KCNIP4: variants seen among roughly 807,000 people sequenced by gnomAD.
The protein encoded by KCNIP4 is Kv channel-interacting protein 4.
KCNIP4 carries 12 observed loss-of-function variants against 34.0 expected under a neutral mutation model. The observed-to-expected ratio is 0.35, with a 90% CI of 0.23 to 0.57. KCNIP4 has a LOEUF of 0.57. Ranked by LOEUF, KCNIP4 falls within the 20% of genes least tolerant of loss-of-function variation. The probability of loss-of-function intolerance (pLI) is 0.83; values close to 1 mark genes in which losing one functional copy is unlikely to be tolerated. For synonymous variants in KCNIP4, 124 were observed against 102.2 expected (o/e 1.21, Z -1.29); for missense variants, 238 against 311.7 (o/e 0.76, Z 1.78).
chr4:21,144,039 T>C (rs1752174835), intron 1 of KCNIP4, among the ~76,000 whole-genome samples: 1 of 152,186 alleles, frequency 6.6e-6, no homozygotes. Context: ...TCTCTGTGCC[T>C]TTAACTCCCC....
chr4:21,166,112 T>G (rs1316784828), intron 1 of KCNIP4, among the ~76,000 whole-genome samples: 2 of 152,134 alleles, frequency 1.3e-5, no homozygotes, highest in African/African-American at 4.8e-5. Context: ...TATTTATAAA[T>G]TACCCAGTCT....
intron 1 of KCNIP4, among the ~76,000 whole-genome samples, chr4:21,766,016 A>T (rs906336735): frequency 5.9e-5 from 9 of 152,050 alleles, no homozygotes; most frequent in Admixed American, 2.0e-4. Flanking sequence ...GCAGCAGTGG[A>T]CCAGGATTGT....
At chr4:21,415,430 A>G (rs1386290780) in intron 1 of KCNIP4, among the ~76,000 whole-genome samples, 1 of 152,096 alleles carries the variant, frequency 6.6e-6, no homozygotes, top group Non-Finnish European at 1.5e-5. Context: ...TTGCATATTT[A>G]AAAAGGTAAG....
intron 1 of KCNIP4, among the ~76,000 whole-genome samples, chr4:21,739,552 A>G (rs985292961): frequency 3.3e-5 from 5 of 151,998 alleles, no homozygotes; most frequent in Admixed American, 1.3e-4. Flanking sequence ...TATATTGAAA[A>G]TTTTCTTACT....
intron 1 of KCNIP4, among the ~76,000 whole-genome samples, chr4:21,349,158 G>A (rs1717756450): frequency 6.6e-6 from 1 of 152,070 alleles, no homozygotes; most frequent in African/African-American, 2.4e-5. Context: ...ATTTCCTCAA[G>A]TCCAAAATAG....
At chr4:21,594,011 G>A (rs973544091) in intron 1 of KCNIP4, among the ~76,000 whole-genome samples, 8 of 151,972 alleles carry the variant, frequency 5.3e-5, no homozygotes, top group Admixed American at 2.0e-4. Context: ...TATACCTTGG[G>A]GCCTGCATGT....
intron 2 of KCNIP4, among the ~76,000 whole-genome samples, chr4:20,852,593 C>T (rs1176503185): frequency 6.6e-6 from 1 of 152,092 alleles, no homozygotes; most frequent in African/African-American, 2.4e-5. Flanking sequence ...TCTCACCACT[C>T]CTCTTCAACA....
chr4:21,831,450 G>T (rs1337275836), intron 1 of KCNIP4, among the ~76,000 whole-genome samples: 1 of 151,766 alleles, frequency 6.6e-6, no homozygotes, highest in African/African-American at 2.4e-5. Flanking sequence ...AATAAAATCA[G>T]AAGTGACAGA....
chr4:20,760,843 GAGCA>G (rs923390358), intron 3 of KCNIP4, among the ~76,000 whole-genome samples: 1 of 151,988 alleles, frequency 6.6e-6, no homozygotes, highest in African/African-American at 2.4e-5. Context: ...AAAAACAAAT[GAGCA>G]AGCAAGCAAG....
At chr4:21,392,872 C>G (rs1722681422) in intron 1 of KCNIP4, among the ~76,000 whole-genome samples, 2 of 152,138 alleles carry the variant, frequency 1.3e-5, no homozygotes, top group South Asian at 4.1e-4. Flanking sequence ...AAGACAAGCA[C>G]ATTAGCATAT....
intron 1 of KCNIP4, among the ~76,000 whole-genome samples, chr4:21,280,974 A>G (rs1578013047): frequency 1.3e-5 from 2 of 152,154 alleles, no homozygotes; most frequent in Middle Eastern, 6.8e-3. Flanking sequence ...GAACCCATAC[A>G]CCTGTATATC....
chr4:20,841,442 A>G (rs1339918538), intron 3 of KCNIP4, among the ~76,000 whole-genome samples: 6 of 152,160 alleles, frequency 3.9e-5, no homozygotes, highest in Non-Finnish European at 4.4e-5. Flanking sequence ...CTCCAAACCT[A>G]CTTTAGGAGA....
intron 1 of KCNIP4, among the ~76,000 whole-genome samples, chr4:21,647,861 T>C (rs1455846310): frequency 1.4e-5 from 2 of 139,502 alleles, no homozygotes; most frequent in African/African-American, 5.4e-5. Context: ...GCTACAATGA[T>C]GCTTTTTTTT....
rs143321353 is a variant in KCNIP4 at position 20,732,021 on chromosome 4, A to G, written c.690T>C (p.Ile230=). ...CATTACTTACTTTTTGGCAGCTTTC[A>G]ATGAACTCATCTATGGTAACAACCC... The part of the protein sequence containing the change: ...KDGVVTIDEF[I]ESCQKDENIM... The change falls in exon 8 of 9, where the codon ATT becomes ATC. Residue 230 remains isoleucine (I), a synonymous_variant. Transcript: ENST00000382152. The G allele has an allele frequency of 1.2e-4, 191 of 1,613,548 alleles. 2 individuals are homozygous for G. The African/African-American group carries it at 2.0e-3, about 17-fold the overall frequency.
intron 1 of KCNIP4, among the ~76,000 whole-genome samples, chr4:21,761,635 A>T (rs1718060796): frequency 1.2e-5 from 1 of 84,918 alleles, no homozygotes; most frequent in Non-Finnish European, 2.5e-5. Context: ...AGTACAAAAA[A>T]GCAAAAAAAA....
At position 20,865,338 on chromosome 4, in the gene KCNIP4, CT is replaced by C. The variant is rs1224189741; in HGVS notation, c.164-14672del. 1.2e-4 allele frequency among the ~76,000 whole-genome samples: 18 copies of C among 151,886 alleles called. No homozygotes were observed. In the East Asian group the frequency reaches 3.5e-3, roughly 29 times the overall value. On this transcript the variant is annotated intron_variant, in intron 2 of 8. Transcript: ENST00000382152. ...TTATTCTTTAAGAATAAGTTCTAAC[CT>C]TATTCTTTAAGAAAATGTTTTATTC...
chr4:21,647,521 C>T (rs1281968379), intron 1 of KCNIP4, among the ~76,000 whole-genome samples: 1 of 152,142 alleles, frequency 6.6e-6, no homozygotes. Context: ...AGACCTACTC[C>T]TACAGATTAT....
intron 1 of KCNIP4, among the ~76,000 whole-genome samples, chr4:21,268,110 C>T (rs1355364444): frequency 6.6e-6 from 1 of 152,060 alleles, no homozygotes; most frequent in Non-Finnish European, 1.5e-5. Context: ...ATATAACAAC[C>T]CCACAGCTAA....
intron 1 of KCNIP4, among the ~76,000 whole-genome samples, chr4:21,089,788 C>G (rs904340154): frequency 2.0e-5 from 3 of 152,066 alleles, no homozygotes; most frequent in Non-Finnish European, 4.4e-5. Context: ...TATACTTGAA[C>G]CCCCAGCTTC....
Sources: gnomAD v4.1 joint callset for allele counts (sites outside exome capture counted in the v4.1 genomes callset) on GRCh38, gnomAD v4.1.1 for gene constraint, MANE v1.5 for transcripts, NCBI Gene and HGNC (gene_info 2026-07-23, HGNC 2026-07-21) for gene names.